DYRK3: variants seen among roughly 807,000 people sequenced by gnomAD.
DYRK3 encodes dual specificity tyrosine phosphorylation regulated kinase 3.
DYRK3 carries 30 observed loss-of-function variants against 40.8 expected under a neutral mutation model. That is an observed-to-expected ratio of 0.74 (90% CI 0.55 to 1.00). The LOEUF is 1.00. Ranked by LOEUF, DYRK3 falls within the 50% of genes least tolerant of loss-of-function variation. The pLI is 0.00. For missense variants in DYRK3, 699 were observed against 731.5 expected (o/e 0.96, Z 0.51); for synonymous variants, 272 against 260.7 (o/e 1.04, Z -0.42).
intron 2 of DYRK3, among the ~76,000 whole-genome samples, chr1:206,646,059 A>T (rs1397703168): frequency 6.6e-6 from 1 of 152,144 alleles, no homozygotes; most frequent in East Asian, 1.9e-4. Flanking sequence ...CATGTTGGCC[A>T]AGCTGGTATC....
rs1343475598 is a variant in DYRK3 at position 206,653,081 on chromosome 1, G to C, written c.*4116G>C. Among the ~76,000 whole-genome samples, 5 of 152,160 alleles carry C rather than the reference G, an allele frequency of 3.3e-5. No individual in the cohort carries two copies. In the East Asian group the frequency reaches 9.7e-4, roughly 29 times the overall value. On this transcript the variant is annotated 3_prime_UTR_variant, in exon 3 of 3. Transcript: ENST00000367109. The stretch of plus-strand genomic sequence containing the variant: ...CTGTCGTCCAGGCTGGAGTGAAGTG[G>C]CGCAGTGTTGTCTGCAGCCTCAACC...
chr1:206,639,303 GTTTC>G (rs1453651711), intron 2 of DYRK3, among the ~76,000 whole-genome samples: 2 of 152,108 alleles, frequency 1.3e-5, no homozygotes, highest in Non-Finnish European at 1.5e-5. Context: ...TTTGCAAGTT[GTTTC>G]TTTAATATGT....
rs781813231 is a variant in DYRK3 at position 206,648,222 on chromosome 1, C to T, written c.1024C>T (p.Leu342Phe). Residue 342 changes from leucine to phenylalanine, a missense_variant, in exon 3 of 3, where the codon CTC becomes TTC. Coordinates refer to ENST00000367109, the MANE Select transcript of DYRK3 (RefSeq NM_003582.4). ...CTGCGATCTGAAGCCAGAAAACATTCTCCTGAAACACCACGGGCGCAGTTC... is the reference window on the plus strand; with the variant it reads ...CTGCGATCTGAAGCCAGAAAACATTTTCCTGAAACACCACGGGCGCAGTTC... ...IHCDLKPENI[L>F]LKHHGRSSTK... is the part of the protein sequence containing the mutation. 2.5e-6 allele frequency: 4 copies of T among 1,614,062 alleles called. No individual in the cohort carries two copies. Among genetic ancestry groups the T allele is most frequent in the Admixed American group, 3.3e-5 (2 of 59,996 alleles).
In DYRK3 at chr1:206,650,212, T is replaced by C. The variant is rs1207007000; in HGVS notation, c.*1247T>C. ...CTACTGGGTTTTGTTTGTTGTTTCCTGTCCCTTGCTCTATTTCTGTCCTCT... is the reference window on the plus strand; with the variant it reads ...CTACTGGGTTTTGTTTGTTGTTTCCCGTCCCTTGCTCTATTTCTGTCCTCT... On this transcript the variant is annotated 3_prime_UTR_variant, in exon 3 of 3. Coordinates refer to ENST00000367109, the MANE Select transcript of DYRK3 (RefSeq NM_003582.4). Among the ~76,000 whole-genome samples, 7 of 152,260 alleles carry C rather than the reference T, an allele frequency of 4.6e-5. No individual in the cohort carries two copies. The highest frequency in any genetic ancestry group is 3.9e-4 in the Admixed American group (6 of 15,288).
At chr1:206,641,855 G>A (rs1291547466) in intron 2 of DYRK3, among the ~76,000 whole-genome samples, 1 of 150,586 alleles carries the variant, frequency 6.6e-6, no homozygotes, top group Non-Finnish European at 1.5e-5. Flanking sequence ...TACCATTCAG[G>A]ACATAGGCAT....
At chr1:206,645,445 T>C (rs1177663533) in intron 2 of DYRK3, among the ~76,000 whole-genome samples, 3 of 140,896 alleles carry the variant, frequency 2.1e-5, no homozygotes, top group African/African-American at 7.6e-5. Flanking sequence ...AGACTTCCTT[T>C]TATTTTTAAG....
chr1:206,654,878 G>T lies in DYRK3; in HGVS notation c.*5913G>T, dbSNP rs374492394. Among the ~76,000 whole-genome samples the T allele has an allele frequency of 2.0e-5, 3 of 152,202 alleles. No individual in the cohort carries two copies. The highest frequency in any genetic ancestry group is 7.2e-5 in the African/African-American group (3 of 41,450). On this transcript the variant is annotated 3_prime_UTR_variant, in exon 3 of 3. Coordinates refer to ENST00000367109, the MANE Select transcript of DYRK3 (RefSeq NM_003582.4). The stretch of plus-strand genomic sequence containing the variant: ...TTTCTATAACAGGAGAAGCCTCCCT[G>T]ACTGGAGACTAGAGTCTCACATCTT...
intron 2 of DYRK3, among the ~76,000 whole-genome samples, chr1:206,644,300 G>T (rs1553419762): frequency 6.6e-6 from 1 of 151,998 alleles, no homozygotes; most frequent in Non-Finnish European, 1.5e-5. Context: ...CTCCAAAAGT[G>T]CTGGGATTAC....
At position 206,649,763 on chromosome 1, in the gene DYRK3, A is replaced by G. The variant is rs1572453505; in HGVS notation, c.*798A>G. ...AGAGTGGTAAAGATAGAGAATCAGC[A>G]TGAAAACTGCAGTTCCCCAGCTTTG... On this transcript the variant is annotated 3_prime_UTR_variant, in exon 3 of 3. Transcript: ENST00000367109. 6.6e-6 allele frequency among the ~76,000 whole-genome samples: 1 copy of G among 152,226 alleles called. No homozygotes were observed.
In DYRK3 at chr1:206,648,786, C is replaced by G. The variant is rs1553420861; in HGVS notation, c.1588C>G (p.Leu530Val). The change falls in exon 3 of 3, where the codon CTC (leucine) becomes GTC (valine). Residue 530 changes from leucine to valine, a missense_variant. Transcript: ENST00000367109. ...PWISKSVPRP[L>V]TTIDKVSGKR... The stretch of plus-strand genomic sequence containing the variant: ...GATTAGCAAGTCTGTCCCCAGACCT[C>G]TCACCACCATAGACAAGGTGTCAGG... 6.2e-7 allele frequency: 1 copy of G among 1,614,208 alleles called. No homozygotes were observed. The highest frequency in any genetic ancestry group is 8.5e-7 in the Non-Finnish European group (1 of 1,180,034).
rs79791040 is a variant in DYRK3, at chr1:206,649,560, T to C, written c.*595T>C. ...TCTGATGTTTGGTGTTATTATTTTA[T>C]GTTGTTATTTTGCCTCTGATTTGTT... On this transcript the variant is annotated 3_prime_UTR_variant, in exon 3 of 3. Transcript: ENST00000367109. Among the ~76,000 whole-genome samples, 7,299 of 152,296 alleles carry C rather than the reference T, an allele frequency of 0.048. 431 individuals carry two copies. Among genetic ancestry groups the C allele is most frequent in the East Asian group, 0.15 (776 of 5,180 alleles).
In DYRK3 at chr1:206,649,103, ATG is replaced by A; in HGVS notation, c.*139_*140del. Reference sequence around the variant, plus strand: ...TTTAAACAAGACAAAACATTTTTATATGATTATAAAAGAATTCTTCAAGGGCT... The same window carrying A: ...TTTAAACAAGACAAAACATTTTTATAATTATAAAAGAATTCTTCAAGGGCT... On this transcript the variant is annotated 3_prime_UTR_variant, in exon 3 of 3. Coordinates refer to ENST00000367109, the MANE Select transcript of DYRK3 (RefSeq NM_003582.4). 2.2e-6 allele frequency: 2 copies of A among 922,240 alleles called. No individual in the cohort carries two copies. The highest frequency in any genetic ancestry group is 3.1e-6 in the Non-Finnish European group (2 of 637,188). The allele number at this position is 922,240 out of a possible 1,614,324, so 57.1% of individuals were successfully genotyped here.
chr1:206,643,953 C>T (rs1553419701), intron 2 of DYRK3, among the ~76,000 whole-genome samples: 1 of 148,318 alleles, frequency 6.7e-6, no homozygotes, highest in Non-Finnish European at 1.5e-5. Context: ...ATTCACACAA[C>T]ATCCTGCAAG....
rs200402120 is a variant in DYRK3, at chr1:206,639,874, GA to G, written c.189+2114del. Among the ~76,000 whole-genome samples, 3,216 of 150,476 alleles carry G rather than the reference GA, an allele frequency of 0.021. 290 individuals are homozygous for G. In the East Asian group the frequency reaches 0.31, roughly 15 times the overall value. On this transcript the variant is annotated intron_variant, in intron 2 of 2. Transcript: ENST00000367109. ...TTTCTTACTGCATGGTGTTAGGCAT[GA>G]CAGTTTTGTGAGGGAGCAAGAAGAT...
intron 1 of DYRK3, chr1:206,636,108 AG>A (rs782086823): frequency 2.5e-5 from 35 of 1,401,710 alleles, no homozygotes; most frequent in Middle Eastern, 1.9e-4. Flanking sequence ...TTTTTATTAA[AG>A]GGGGGGAGCC....
intron 2 of DYRK3, among the ~76,000 whole-genome samples, chr1:206,644,355 G>A (rs1671389520): frequency 6.6e-6 from 1 of 152,006 alleles, no homozygotes. Context: ...CTTTTAAGTA[G>A]TGTAGCCAGG....
rs1371715669 is a variant in DYRK3 at position 206,651,582 on chromosome 1, A to T, written c.*2617A>T. Among the ~76,000 whole-genome samples, 1 of 152,254 alleles carries T rather than the reference A, an allele frequency of 6.6e-6. No individual in the cohort carries two copies. The highest frequency in any genetic ancestry group is 1.5e-5 in the Non-Finnish European group (1 of 68,034). Reference sequence around the variant, plus strand: ...CTACTCTTTCAGTAGATATGAGCTTACATTGACTTATGAATGGTTTTCCTG... The same window carrying T: ...CTACTCTTTCAGTAGATATGAGCTTTCATTGACTTATGAATGGTTTTCCTG... On this transcript the variant is annotated 3_prime_UTR_variant, in exon 3 of 3. Transcript: ENST00000367109.
In DYRK3 at chr1:206,654,156, T is replaced by C. The variant is rs568797016; in HGVS notation, c.*5191T>C. On this transcript the variant is annotated 3_prime_UTR_variant, in exon 3 of 3. Coordinates refer to ENST00000367109, the MANE Select transcript of DYRK3 (RefSeq NM_003582.4). ...GAATCATGGAAAACTCTTTCTCCTT[T>C]ATTTTTAATTATTTCTTTTCCATCT... 6.6e-5 allele frequency among the ~76,000 whole-genome samples: 10 copies of C among 152,378 alleles called. No homozygotes were observed. The highest frequency in any genetic ancestry group is 2.2e-4 in the African/African-American group (9 of 41,592).
At chr1:206,642,690 C>T (rs1671325105) in intron 2 of DYRK3, among the ~76,000 whole-genome samples, 1 of 152,124 alleles carries the variant, frequency 6.6e-6, no homozygotes, top group South Asian at 2.1e-4. Context: ...GAAAACCAAA[C>T]ACCACATGTT....
Sources: gnomAD v4.1 joint callset for allele counts (sites outside exome capture counted in the v4.1 genomes callset) on GRCh38, gnomAD v4.1.1 for gene constraint, MANE v1.5 for transcripts, NCBI Gene and HGNC (gene_info 2026-07-23, HGNC 2026-07-21) for gene names.